SH3GL2: variants seen among roughly 807,000 people sequenced by gnomAD.
SH3GL2 encodes the protein SH3 domain containing GRB2 like 2, endophilin A1.
SH3GL2 carries 24 observed loss-of-function variants against 46.0 expected under a neutral mutation model. That is an observed-to-expected ratio of 0.52 (90% confidence interval 0.38 to 0.73). The LOEUF is 0.73. SH3GL2 is among the 30% of genes least tolerant of loss of function. The probability of loss-of-function intolerance (pLI) is 0.00; values close to 1 mark genes in which losing one functional copy is unlikely to be tolerated. For missense variants in SH3GL2, 413 were observed against 424.2 expected, an observed-to-expected ratio of 0.97 and a Z score of 0.23; for synonymous variants, 196 against 147.1, an observed-to-expected ratio of 1.33 and a Z score of -2.40.
Position 17,660,258 on chromosome 9 carries a change from A to G in SH3GL2, c.45+80971A>G, listed in dbSNP as rs569920053. 2.6e-5 allele frequency among the ~76,000 whole-genome samples: 4 copies of G among 152,286 alleles called. No homozygotes were observed. In the South Asian group the frequency reaches 8.3e-4, roughly 32 times the overall value. ...AGATGATTCCACTGTAATAATCTGG[A>G]TTTCAGAAATCAGAAGATCTGGCAG... On this transcript the variant is annotated intron_variant, in intron 1 of 8. Transcript: ENST00000380607.
At chr9:17,579,797 C>G (rs757622395) in intron 1 of SH3GL2, among the ~76,000 whole-genome samples, 12 of 152,282 alleles carry the variant, frequency 7.9e-5, no homozygotes, top group African/African-American at 1.2e-4. Context: ...CCCTCCTTCC[C>G]CGCCGCCCGC....
chr9:17,659,835 T>C (rs945734411), intron 1 of SH3GL2, among the ~76,000 whole-genome samples: 1 of 152,202 alleles, frequency 6.6e-6, no homozygotes, highest in African/African-American at 2.4e-5. Flanking sequence ...TTGAGAGCGC[T>C]TCATCACCAT....
chr9:17,712,033 T>C (rs1185772160), intron 1 of SH3GL2, among the ~76,000 whole-genome samples: 2 of 151,844 alleles, frequency 1.3e-5, no homozygotes, highest in African/African-American at 4.8e-5. Context: ...TATGTAGTTG[T>C]AGTTTTTAAT....
At chr9:17,731,658 G>A (rs1188751975) in intron 1 of SH3GL2, among the ~76,000 whole-genome samples, 5 of 152,070 alleles carry the variant, frequency 3.3e-5, no homozygotes, top group African/African-American at 4.8e-5. Context: ...AAGCTTACCC[G>A]GTCTCTGGTA....
chr9:17,629,106 G>A lies in SH3GL2; in HGVS notation c.45+49819G>A, dbSNP rs113366350. Among the ~76,000 whole-genome samples the A allele has an allele frequency of 1.5e-4, 23 of 152,154 alleles. No individual in the cohort carries two copies. In the East Asian group the frequency reaches 1.9e-3, roughly 13 times the overall value. On this transcript the variant is annotated intron_variant, in intron 1 of 8. Transcript: ENST00000380607. Reference sequence around the variant, plus strand: ...TTGACCTTTATAGTAGGAGGATTGCGTGGAGTTTGGTTGGCTGGGAGGCAG... The same window carrying A: ...TTGACCTTTATAGTAGGAGGATTGCATGGAGTTTGGTTGGCTGGGAGGCAG...
intron 1 of SH3GL2, among the ~76,000 whole-genome samples, chr9:17,622,751 CAG>C (rs1187733955): frequency 1.3e-5 from 2 of 152,052 alleles, no homozygotes; most frequent in Non-Finnish European, 2.9e-5. Context: ...ATGAGGAAGT[CAG>C]AGCAGGCACG....
chr9:17,768,757 C>CT (rs1823391247), intron 3 of SH3GL2, among the ~76,000 whole-genome samples: 1 of 152,166 alleles, frequency 6.6e-6, no homozygotes, highest in Non-Finnish European at 1.5e-5. Context: ...GCTTATGTAT[C>CT]TCGACTCTGA....
chr9:17,706,700 C>T (rs1303415087), intron 1 of SH3GL2, among the ~76,000 whole-genome samples: 8 of 151,672 alleles, frequency 5.3e-5, no homozygotes, highest in Admixed American at 5.3e-4. Context: ...TTATTTTTTT[C>T]CTCCTGGCTT....
At chr9:17,785,263 T>C (rs1369623351) in intron 3 of SH3GL2, among the ~76,000 whole-genome samples, 2 of 152,184 alleles carry the variant, frequency 1.3e-5, no homozygotes, top group Non-Finnish European at 2.9e-5. Context: ...GCACTTGGCA[T>C]ATTTACTTCA....
chr9:17,594,083 T>C (rs1215252923), intron 1 of SH3GL2, among the ~76,000 whole-genome samples: 2 of 152,186 alleles, frequency 1.3e-5, no homozygotes, highest in South Asian at 2.1e-4. Flanking sequence ...AAAGAGCAAA[T>C]CTAGCATTGT....
intron 1 of SH3GL2, among the ~76,000 whole-genome samples, chr9:17,606,123 C>T (rs568648686): frequency 6.6e-6 from 1 of 151,988 alleles, no homozygotes; most frequent in South Asian, 2.1e-4. Context: ...GATGGAGTCT[C>T]ACTCTGTTGC....
At chr9:17,600,021 C>A (rs540859401) in intron 1 of SH3GL2, among the ~76,000 whole-genome samples, 1 of 150,184 alleles carries the variant, frequency 6.7e-6, no homozygotes, top group Admixed American at 6.6e-5. Context: ...TATTTAAATT[C>A]TTATAACACT....
intron 3 of SH3GL2, among the ~76,000 whole-genome samples, chr9:17,770,623 G>A (rs1206787638): frequency 6.6e-6 from 1 of 152,176 alleles, no homozygotes; most frequent in South Asian, 2.1e-4. Flanking sequence ...AATCGATGGT[G>A]CATCACTCCC....
At chr9:17,748,383 C>T (rs534724768) in intron 2 of SH3GL2, among the ~76,000 whole-genome samples, 45 of 152,188 alleles carry the variant, frequency 3.0e-4, no homozygotes, top group Admixed American at 5.9e-4. Context: ...TTTTGTACTT[C>T]GTTGTAACAA....
At chr9:17,749,290 A>G (rs1158543108) in intron 2 of SH3GL2, among the ~76,000 whole-genome samples, 5 of 152,244 alleles carry the variant, frequency 3.3e-5, no homozygotes, top group Admixed American at 2.0e-4. Flanking sequence ...CTGAGACTCC[A>G]GGAACTGACA....
intron 1 of SH3GL2, among the ~76,000 whole-genome samples, chr9:17,716,773 G>A (rs1431053416): frequency 1.3e-5 from 2 of 152,026 alleles, no homozygotes; most frequent in Non-Finnish European, 2.9e-5. Flanking sequence ...CACTCCATTC[G>A]CCTATGTTCT....
intron 1 of SH3GL2, among the ~76,000 whole-genome samples, chr9:17,621,657 C>T (rs922792981): frequency 3.3e-5 from 5 of 152,124 alleles, no homozygotes; most frequent in Non-Finnish European, 7.4e-5. Flanking sequence ...AGTTTTTGTG[C>T]CAAAGCCTGG....
chr9:17,686,561 T>G (rs1820916163), intron 1 of SH3GL2, among the ~76,000 whole-genome samples: 2 of 147,970 alleles, frequency 1.4e-5, no homozygotes, highest in Non-Finnish European at 3.0e-5. Flanking sequence ...AATGATAGAC[T>G]GGATTGAGAA....
rs77158611 is a variant in SH3GL2 at position 17,717,769 on chromosome 9, A to C, written c.46-29297A>C. On this transcript the variant is annotated intron_variant, in intron 1 of 8. Transcript: ENST00000380607. ...AATGGAAGTATGTGAAATGTACTCT[A>C]TGTGCTGTAAAGGACTGTATGTTTG... Among the ~76,000 whole-genome samples, 151 of 151,234 alleles carry C rather than the reference A, an allele frequency of 1.0e-3. 3 individuals are homozygous for C. In the East Asian group the frequency reaches 0.027, roughly 27 times the overall value.
Sources: gnomAD v4.1 joint callset for allele counts (sites outside exome capture counted in the v4.1 genomes callset) on GRCh38, gnomAD v4.1.1 for gene constraint, MANE v1.5 for transcripts, NCBI Gene and HGNC (gene_info 2026-07-23, HGNC 2026-07-21) for gene names.